Variants in CUX1 observed in about 807,000 individuals in gnomAD.
CUX1 encodes the protein protein CASP.
A neutral mutation model predicts 158.8 loss-of-function variants in CUX1; 31 were observed. That is an observed-to-expected ratio of 0.20 (90% CI 0.15 to 0.26). The LOEUF (loss-of-function observed/expected upper bound fraction) is 0.26. Among genes scored for constraint, CUX1 ranks in the 10% least tolerant of loss-of-function variants. The probability of loss-of-function intolerance (pLI) is 1.00; values close to 1 mark genes in which losing one functional copy is unlikely to be tolerated. For synonymous variants in CUX1, 879 were observed against 862.1 expected, an observed-to-expected ratio of 1.02 and a Z score of -0.34; for missense variants, 1,589 against 2,014.6, an observed-to-expected ratio of 0.79 and a Z score of 4.04.
intron 4 of CUX1, among the ~76,000 whole-genome samples, chr7:102,093,486 C>T (rs1828866814): frequency 6.6e-6 from 1 of 152,184 alleles, no homozygotes; most frequent in Non-Finnish European, 1.5e-5. Context: ...TGTGCCTGGC[C>T]AGTAAGCAGA....
rs1554549400 is a variant in CUX1, at chr7:102,281,921, G to T, written c.1902+1G>T. On this transcript the variant is annotated splice_donor_variant, in intron 21 of 22. Coordinates refer to the CUX1 transcript ENST00000292538. LOFTEE classifies it high-confidence loss of function. The stretch of plus-strand genomic sequence containing the variant: ...GTTCCTGCACTGCCTGGTCTTCCTG[G>T]TGAGTGTGCACACGGGCGGGCCAGA... The T allele has an allele frequency of 1.9e-6, 3 of 1,606,742 alleles. No homozygotes were observed. The South Asian group carries it at 3.3e-5, about 18-fold the overall frequency.
chr7:101,868,736 G>A lies in CUX1; in HGVS notation c.31-47379G>A, dbSNP rs989092100. Among the ~76,000 whole-genome samples the A allele has an allele frequency of 1.1e-4, 17 of 152,244 alleles. 1 individual carries two copies. Among genetic ancestry groups the A allele is most frequent in the Admixed American group, 7.8e-4 (12 of 15,290 alleles). ...TGATGAAGTGCTTTAGGGGTTGACA[G>A]GGCAGAGCTGGCTGTAGGGAGTGAT... On this transcript the variant is annotated intron_variant, in intron 1 of 23. Transcript: ENST00000292535.
intron 3 of CUX1, among the ~76,000 whole-genome samples, chr7:102,032,913 A>G (rs1041863390): frequency 5.9e-5 from 9 of 152,132 alleles, no homozygotes; most frequent in South Asian, 2.1e-4. Flanking sequence ...CAATCCCTTT[A>G]GTAAAGTAAT....
At chr7:102,267,271 T>G (rs1790881210) in intron 14 of CUX1, among the ~76,000 whole-genome samples, 1 of 152,062 alleles carries the variant, frequency 6.6e-6, no homozygotes, top group Admixed American at 6.5e-5. Flanking sequence ...ATGTGGCTCA[T>G]GCCTGTAATC....
At chr7:102,177,164 A>G in intron 10 of CUX1, among the ~76,000 whole-genome samples, 1 of 152,020 alleles carries the variant, frequency 6.6e-6, no homozygotes, top group East Asian at 1.9e-4. Context: ...CTATAATCCC[A>G]GCACTTTGGG....
At chr7:102,164,421 C>T (rs563782547) in intron 9 of CUX1, among the ~76,000 whole-genome samples, 6 of 152,310 alleles carry the variant, frequency 3.9e-5, no homozygotes, top group South Asian at 4.1e-4. Context: ...CAGGCTGGAG[C>T]GCAGTGGCAT....
At chr7:102,238,249 CTG>C (rs1460788891) in intron 22 of CUX1, among the ~76,000 whole-genome samples, 1 of 152,172 alleles carries the variant, frequency 6.6e-6, no homozygotes, top group Non-Finnish European at 1.5e-5. Context: ...GCTAAGTAGC[CTG>C]TGTTTTTCCT....
At position 102,274,372 on chromosome 7, in the gene CUX1, G is replaced by A. The variant is rs527870733; in HGVS notation, c.1450+62G>A. 126 of 1,438,304 alleles carry A rather than the reference G, an allele frequency of 8.8e-5. 1 individual carries two copies. Among genetic ancestry groups the A allele is most frequent in the African/African-American group, 7.8e-4 (55 of 70,794 alleles). 89.1% of individuals were successfully genotyped at this position (1,438,304 alleles called of 1,614,324 possible). On this transcript the variant is annotated intron_variant, in intron 16 of 22. Coordinates refer to the CUX1 transcript ENST00000292538. ...GAGGGAAGAGGAGACAGGTGATACC[G>A]CCTGAGAACACAGATCCCCAAAGAG... is the stretch of plus-strand genomic sequence containing the variant.
intron 4 of CUX1, among the ~76,000 whole-genome samples, chr7:102,087,168 T>C (rs1828033255): frequency 6.6e-6 from 1 of 152,240 alleles, no homozygotes; most frequent in African/African-American, 2.4e-5. Context: ...ACTTTTTCTA[T>C]TTGTCTTGCC....
intron 2 of CUX1, among the ~76,000 whole-genome samples, chr7:101,964,373 G>T (rs1158955571): frequency 6.6e-6 from 1 of 152,012 alleles, no homozygotes; most frequent in Non-Finnish European, 1.5e-5. Flanking sequence ...TGAAAGAAAT[G>T]ACTGAGCAGG....
At chr7:102,164,318 C>T (rs1019755422) in intron 9 of CUX1, among the ~76,000 whole-genome samples, 26 of 152,338 alleles carry the variant, frequency 1.7e-4, no homozygotes, top group African/African-American at 5.5e-4. Context: ...CTACTGCGCC[C>T]GGCTTTGAAG....
At chr7:102,146,770 G>GT (rs1469998283) in intron 8 of CUX1, among the ~76,000 whole-genome samples, 1 of 151,916 alleles carries the variant, frequency 6.6e-6, no homozygotes, top group African/African-American at 2.4e-5. Context: ...GCTAATTTTT[G>GT]TATTTTTAGT....
intron 8 of CUX1, among the ~76,000 whole-genome samples, chr7:102,147,125 G>C (rs1462632143): frequency 6.6e-6 from 1 of 152,068 alleles, no homozygotes; most frequent in Non-Finnish European, 1.5e-5. Flanking sequence ...CCAGGCCTTT[G>C]ATTGGGGAGG....
At chr7:101,824,845 T>G (rs985701756) in intron 1 of CUX1, 5 of 152,218 alleles carry the variant, frequency 3.3e-5, no homozygotes, top group Non-Finnish European at 5.9e-5. Flanking sequence ...ATCGTATACA[T>G]GTAACGTTTT....
chr7:101,936,122 G>T (rs1252098709), intron 2 of CUX1, among the ~76,000 whole-genome samples: 1 of 152,130 alleles, frequency 6.6e-6, no homozygotes, highest in African/African-American at 2.4e-5. Context: ...AGTGGAGACA[G>T]ATGTTAAACT....
chr7:102,110,477 G>A (rs1203431138), intron 6 of CUX1, among the ~76,000 whole-genome samples: 2 of 152,040 alleles, frequency 1.3e-5, no homozygotes, highest in Admixed American at 6.6e-5. Flanking sequence ...TTCATGTTAC[G>A]CTCTAGTGTG....
chr7:101,939,198 T>C (rs992434970), intron 2 of CUX1, among the ~76,000 whole-genome samples: 1 of 150,212 alleles, frequency 6.7e-6, no homozygotes, highest in African/African-American at 2.5e-5. Flanking sequence ...TAACCACTTA[T>C]CTGTTTTTTG....
intron 8 of CUX1, among the ~76,000 whole-genome samples, chr7:102,143,913 G>A (rs1834741069): frequency 6.6e-6 from 1 of 152,060 alleles, no homozygotes; most frequent in Admixed American, 6.6e-5. Flanking sequence ...CTCCCGAGTA[G>A]CTGGAATTAC....
chr7:102,143,761 G>A lies in CUX1; in HGVS notation c.675-14799G>A, dbSNP rs576080764. Among the ~76,000 whole-genome samples the A allele has an allele frequency of 9.2e-5, 14 of 152,192 alleles. No homozygotes were observed. In the South Asian group the frequency reaches 2.5e-3, roughly 27 times the overall value. ...TGGCATCAGGTGGACCGCACAGGAC[G>A]GCCACTTCTTCTTTTGTTTTTTTGT... On this transcript the variant is annotated intron_variant, in intron 8 of 23. Transcript: ENST00000292535.
Sources: allele counts gnomAD v4.1 joint callset (sites outside exome capture counted in the v4.1 genomes callset), GRCh38; gene constraint gnomAD v4.1.1; transcripts MANE v1.5; gene names NCBI Gene and HGNC (gene_info 2026-07-23, HGNC 2026-07-21).